CCSER1: variants seen among roughly 807,000 people sequenced by gnomAD.
CCSER1 encodes the protein serine-rich coiled-coil domain-containing protein 1.
Under a neutral mutation model 82.0 loss-of-function variants are expected in CCSER1, and 41 were observed. The observed-to-expected ratio is 0.50, with a 90% CI of 0.39 to 0.65. The LOEUF is 0.65. CCSER1 is among the 30% of genes least tolerant of loss of function. The pLI, the probability that CCSER1 is intolerant of heterozygous loss-of-function variation, is 0.00. For missense variants in CCSER1, 1,119 were observed against 1,064.2 expected (o/e 1.05, Z -0.72); for synonymous variants, 414 against 383.9 (o/e 1.08, Z -0.92).
chr4:90,335,749 C>T (rs1396763445), intron 3 of CCSER1, among the ~76,000 whole-genome samples: 2 of 152,100 alleles, frequency 1.3e-5, no homozygotes, highest in Non-Finnish European at 2.9e-5. Context: ...CATTAAAATT[C>T]TTTCTCCTAT....
At chr4:90,498,256 T>G (rs1470282862) in intron 5 of CCSER1, among the ~76,000 whole-genome samples, 1 of 152,158 alleles carries the variant, frequency 6.6e-6, no homozygotes, top group Non-Finnish European at 1.5e-5. Flanking sequence ...TAATAACAAT[T>G]TACTGTAATA....
At chr4:90,323,835 A>G (rs1561027999) in intron 3 of CCSER1, among the ~76,000 whole-genome samples, 1 of 151,820 alleles carries the variant, frequency 6.6e-6, no homozygotes, top group Non-Finnish European at 1.5e-5. Flanking sequence ...CCACCCCACA[A>G]CAGTCCCCAG....
intron 5 of CCSER1, among the ~76,000 whole-genome samples, chr4:90,536,044 T>TTTTA (rs1402798509): frequency 1.3e-5 from 2 of 148,884 alleles, no homozygotes; most frequent in African/African-American, 5.0e-5. Context: ...TTTTTTTTTT[T>TTTTA]TTTTTTGAGA....
At chr4:90,710,007 A>G (rs936937902) in intron 6 of CCSER1, among the ~76,000 whole-genome samples, 1 of 142,244 alleles carries the variant, frequency 7.0e-6, no homozygotes, top group Non-Finnish European at 1.5e-5. Context: ...GGTATCTCAT[A>G]GTGGTTTTGA....
intron 10 of CCSER1, among the ~76,000 whole-genome samples, chr4:91,218,544 A>C (rs1445128229): frequency 6.6e-6 from 1 of 152,224 alleles, no homozygotes; most frequent in Non-Finnish European, 1.5e-5. Flanking sequence ...AGTATGACTA[A>C]AAGTTGATGA....
intron 10 of CCSER1, among the ~76,000 whole-genome samples, chr4:91,329,976 T>C (rs1746834249): frequency 6.6e-6 from 1 of 152,134 alleles, no homozygotes; most frequent in African/African-American, 2.4e-5. Context: ...TAACTTTTGC[T>C]CTTAAGAGTA....
At chr4:90,747,136 G>A (rs930664325) in intron 7 of CCSER1, among the ~76,000 whole-genome samples, 1 of 152,046 alleles carries the variant, frequency 6.6e-6, no homozygotes, top group Non-Finnish European at 1.5e-5. Flanking sequence ...AGAAAAGAGA[G>A]AAAAACTATG....
chr4:91,044,733 C>A (rs1742292664), intron 9 of CCSER1, among the ~76,000 whole-genome samples: 1 of 152,160 alleles, frequency 6.6e-6, no homozygotes, highest in Non-Finnish European at 1.5e-5. Flanking sequence ...TTCAGATAAA[C>A]CTGCCCTACT....
intron 1 of CCSER1, among the ~76,000 whole-genome samples, chr4:90,160,428 C>T (rs1389924827): frequency 6.6e-6 from 1 of 152,080 alleles, no homozygotes; most frequent in East Asian, 1.9e-4. Context: ...GATTGAGCAA[C>T]CATGAAAGTA....
chr4:90,533,874 T>C (rs1380061541), intron 5 of CCSER1, among the ~76,000 whole-genome samples: 2 of 152,226 alleles, frequency 1.3e-5, no homozygotes, highest in Non-Finnish European at 2.9e-5. Flanking sequence ...ACATTACAGG[T>C]ACTTGACAAA....
intron 5 of CCSER1, among the ~76,000 whole-genome samples, chr4:90,560,863 A>G (rs1266627018): frequency 6.6e-6 from 1 of 152,152 alleles, no homozygotes; most frequent in Admixed American, 6.5e-5. Flanking sequence ...TTAATTCTGG[A>G]TGTTTGAAAT....
intron 5 of CCSER1, among the ~76,000 whole-genome samples, chr4:90,573,567 T>C (rs1780361452): frequency 6.6e-6 from 1 of 152,240 alleles, no homozygotes; most frequent in Non-Finnish European, 1.5e-5. Flanking sequence ...TGTTTTCTTA[T>C]TATTTTCCTA....
intron 10 of CCSER1, among the ~76,000 whole-genome samples, chr4:91,584,182 A>G (rs1449866029): frequency 6.6e-6 from 1 of 151,540 alleles, no homozygotes; most frequent in African/African-American, 2.4e-5. Context: ...ATCTGCTTTC[A>G]CCTACGTAGT....
At chr4:91,494,615 T>C (rs1758711387) in intron 10 of CCSER1, among the ~76,000 whole-genome samples, 1 of 151,792 alleles carries the variant, frequency 6.6e-6, no homozygotes, top group South Asian at 2.1e-4. Flanking sequence ...GTTTACAAAT[T>C]ATCAATAAAT....
At chr4:91,538,698 C>CATATATAATATATATATATATATTATAT (rs1553952286) in intron 10 of CCSER1, among the ~76,000 whole-genome samples, 15 of 138,320 alleles carry the variant, frequency 1.1e-4, no homozygotes, top group Middle Eastern at 7.5e-3. Flanking sequence ...TATATATACA[C>CATATATAATATATATATATATATTATAT]ATATATATAT....
At chr4:90,976,418 T>C (rs1186567461) in intron 9 of CCSER1, among the ~76,000 whole-genome samples, 1 of 151,216 alleles carries the variant, frequency 6.6e-6, no homozygotes, top group Admixed American at 6.6e-5. Context: ...AATTTAGTTA[T>C]AGATCAAATG....
intron 10 of CCSER1, among the ~76,000 whole-genome samples, chr4:91,522,240 A>C (rs1283402842): frequency 6.6e-6 from 1 of 152,066 alleles, no homozygotes; most frequent in Non-Finnish European, 1.5e-5. Context: ...TGGTCTGTAT[A>C]TCTGTTTTGG....
At chr4:91,078,292 CA>C in intron 9 of CCSER1, among the ~76,000 whole-genome samples, 1 of 152,268 alleles carries the variant, frequency 6.6e-6, no homozygotes, top group Admixed American at 6.5e-5. Flanking sequence ...GCAGCCTCCG[CA>C]GGTGATACCC....
At chr4:90,989,218 T>C (rs1318010982) in intron 9 of CCSER1, among the ~76,000 whole-genome samples, 3 of 151,782 alleles carry the variant, frequency 2.0e-5, no homozygotes, top group Non-Finnish European at 4.4e-5. Flanking sequence ...AGAAGAATCA[T>C]GGAGCCTGCG....
Sources: gnomAD v4.1 joint callset for allele counts (sites outside exome capture counted in the v4.1 genomes callset) on GRCh38, gnomAD v4.1.1 for gene constraint, MANE v1.5 for transcripts, NCBI Gene and HGNC (gene_info 2026-07-23, HGNC 2026-07-21) for gene names.